Variants in RNF150 observed in about 807,000 individuals in gnomAD.
RNF150 encodes ring finger protein 150.
RNF150 carries 24 observed loss-of-function variants against 39.3 expected under a neutral mutation model. The ratio of observed to expected loss-of-function variants is 0.61; its 90% confidence interval spans 0.44 to 0.86. RNF150 has a LOEUF of 0.86. Ranked by LOEUF, RNF150 falls within the 40% of genes least tolerant of loss-of-function variation. RNF150 has a pLI of 0.00. For synonymous variants in RNF150, 255 were observed against 227.3 expected, an observed-to-expected ratio of 1.12 and a Z score of -1.10; for missense variants, 502 against 587.8, an observed-to-expected ratio of 0.85 and a Z score of 1.51.
chr4:141,199,693 A>C (rs895526872), intron 1 of RNF150, among the ~76,000 whole-genome samples: 1 of 152,200 alleles, frequency 6.6e-6, no homozygotes, highest in Non-Finnish European at 1.5e-5. Flanking sequence ...GACTACAAAG[A>C]TACAGCACAA....
chr4:140,921,463 G>C (rs1261233778), intron 5 of RNF150, among the ~76,000 whole-genome samples: 1 of 152,166 alleles, frequency 6.6e-6, no homozygotes, highest in African/African-American at 2.4e-5. Context: ...ATCTGAAATT[G>C]AGGCAATAAT....
intron 1 of RNF150, among the ~76,000 whole-genome samples, chr4:141,072,221 A>G (rs1737733063): frequency 6.6e-6 from 1 of 152,228 alleles, no homozygotes; most frequent in Non-Finnish European, 1.5e-5. Flanking sequence ...AGTGTTTTAT[A>G]TTATGAAAGA....
At chr4:140,894,834 C>T (rs6537013) in intron 6 of RNF150, among the ~76,000 whole-genome samples, 149,615 of 152,350 alleles carry the variant, frequency 0.98, 73,521 homozygotes, top group Non-Finnish European at 1. Flanking sequence ...TTTCCTGTAA[C>T]GTAGATGCCT....
intron 1 of RNF150, among the ~76,000 whole-genome samples, chr4:141,185,712 C>T (rs961636580): frequency 5.3e-5 from 8 of 152,148 alleles, no homozygotes; most frequent in Non-Finnish European, 7.3e-5. Flanking sequence ...CCATAAATAC[C>T]TAGTTTATTG....
chr4:141,047,232 G>C (rs1736613619), intron 1 of RNF150, among the ~76,000 whole-genome samples: 2 of 152,096 alleles, frequency 1.3e-5, no homozygotes, highest in African/African-American at 4.8e-5. Flanking sequence ...AGCTTTACTT[G>C]CTAGTTTTTT....
At chr4:140,931,093 G>A (rs1731618471) in intron 4 of RNF150, among the ~76,000 whole-genome samples, 1 of 152,044 alleles carries the variant, frequency 6.6e-6, no homozygotes, top group South Asian at 2.1e-4. Context: ...GAGAGAGAAG[G>A]GGCGGGGAAA....
At chr4:141,027,913 TTTTTTTTTTTTTG>T (rs1429736025) in intron 1 of RNF150, among the ~76,000 whole-genome samples, 2 of 45,284 alleles carry the variant, frequency 4.4e-5, no homozygotes, top group African/African-American at 1.5e-4. Flanking sequence ...TTGGAATTTG[TTTTTTTTTTTTTG>T]TTTTTTTTTT....
intron 6 of RNF150, among the ~76,000 whole-genome samples, chr4:140,896,311 G>T (rs1238781504): frequency 1.0e-4 from 1 of 10,002 alleles, no homozygotes; most frequent in Non-Finnish European, 2.1e-4. Flanking sequence ...TGATAGACTG[G>T]ATTAAGAAAA....
intron 1 of RNF150, among the ~76,000 whole-genome samples, chr4:141,167,408 C>T (rs1360773509): frequency 6.6e-6 from 1 of 152,104 alleles, no homozygotes; most frequent in Non-Finnish European, 1.5e-5. Flanking sequence ...TCCTATCAAG[C>T]TACCATTGAC....
chr4:141,071,829 T>A (rs1020051188), intron 1 of RNF150, among the ~76,000 whole-genome samples: 1 of 152,204 alleles, frequency 6.6e-6, no homozygotes, highest in African/African-American at 2.4e-5. Flanking sequence ...ACTGCATTTG[T>A]ACAGTCCCAA....
At chr4:141,050,043 T>A (rs1293124975) in intron 1 of RNF150, among the ~76,000 whole-genome samples, 1 of 151,824 alleles carries the variant, frequency 6.6e-6, no homozygotes, top group Non-Finnish European at 1.5e-5. Flanking sequence ...AAGCTAAATA[T>A]AAGTAATAAC....
At chr4:141,148,102 T>G (rs1395305353) in intron 1 of RNF150, among the ~76,000 whole-genome samples, 1 of 152,182 alleles carries the variant, frequency 6.6e-6, no homozygotes, top group Non-Finnish European at 1.5e-5. Context: ...ACTAATAAAA[T>G]TAGTCTTAAT....
chr4:141,023,858 A>G (rs866887880), intron 1 of RNF150, among the ~76,000 whole-genome samples: 2 of 152,156 alleles, frequency 1.3e-5, no homozygotes, highest in Non-Finnish European at 2.9e-5. Context: ...CTTATGCTTC[A>G]TCCATACATT....
At chr4:140,987,317 T>C (rs951828232) in intron 1 of RNF150, among the ~76,000 whole-genome samples, 2 of 152,102 alleles carry the variant, frequency 1.3e-5, no homozygotes, top group African/African-American at 4.8e-5. Flanking sequence ...AAAGCAATCC[T>C]AAGCAAAAAC....
intron 1 of RNF150, among the ~76,000 whole-genome samples, chr4:141,024,292 A>G (rs1373528620): frequency 1.3e-5 from 2 of 152,198 alleles, no homozygotes; most frequent in African/African-American, 4.8e-5. Context: ...TGACTGTCTT[A>G]GCTTAAGAAG....
intron 1 of RNF150, among the ~76,000 whole-genome samples, chr4:141,083,094 C>T (rs1177203385): frequency 1.3e-5 from 2 of 152,268 alleles, no homozygotes; most frequent in South Asian, 2.1e-4. Context: ...TGTTTTCTGA[C>T]TTTTAAGACA....
rs535539960 is a variant in RNF150, at chr4:141,198,247, G to A, written c.-6+14547C>T. ...TCACCATGTTGGCCAGGCTGGTCTC[G>A]AACTCCTGACCTCAGGTGATCCACC... On this transcript the variant is annotated intron_variant, in intron 1 of 7. Coordinates refer to the RNF150 transcript ENST00000420921. Among the ~76,000 whole-genome samples, 4 of 152,036 alleles carry A rather than the reference G, an allele frequency of 2.6e-5. No homozygotes were observed. In the South Asian group the frequency reaches 6.2e-4, roughly 24 times the overall value.
chr4:140,930,911 A>AAAGGCCG (rs112986931), intron 4 of RNF150, among the ~76,000 whole-genome samples: 1 of 151,870 alleles, frequency 6.6e-6, no homozygotes, highest in African/African-American at 2.4e-5. Context: ...GTTAACGACA[A>AAAGGCCG]TGGAAAGGTT....
intron 6 of RNF150, among the ~76,000 whole-genome samples, chr4:140,892,399 GCAA>G (rs1236837913): frequency 6.6e-6 from 1 of 152,192 alleles, no homozygotes; most frequent in Non-Finnish European, 1.5e-5. Flanking sequence ...TTGTAGTGAT[GCAA>G]CAACAAGGGA....
Sources: allele counts gnomAD v4.1 joint callset (sites outside exome capture counted in the v4.1 genomes callset), GRCh38; gene constraint gnomAD v4.1.1; transcripts MANE v1.5; gene names NCBI Gene and HGNC (gene_info 2026-07-23, HGNC 2026-07-21).